The following DOCK3 variants were observed in gnomAD, a reference collection of about 807,000 sequenced individuals.
The protein encoded by DOCK3 is dedicator of cytokinesis 3, also known as dedicator of cytokinesis protein 3.
In DOCK3, 60 loss-of-function variants were observed where a neutral mutation model predicts 265.6. The observed-to-expected ratio is 0.23, with a 90% CI of 0.18 to 0.28. The LOEUF is 0.28. DOCK3 is among the 10% of genes least tolerant of loss of function. The probability of loss-of-function intolerance (pLI) is 1.00; values close to 1 mark genes in which losing one functional copy is unlikely to be tolerated. For synonymous variants in DOCK3, 881 were observed against 938.0 expected (o/e 0.94, Z 1.11); for missense variants, 1,981 against 2,594.3 (o/e 0.76, Z 5.14).
intron 1 of DOCK3, among the ~76,000 whole-genome samples, chr3:50,704,871 C>T (rs2036288991): frequency 6.6e-6 from 1 of 152,088 alleles, no homozygotes; most frequent in African/African-American, 2.4e-5. Flanking sequence ...TCAAGCGATC[C>T]ATCTGCCTTG....
At chr3:50,781,563 C>G (rs1455725634) in intron 2 of DOCK3, among the ~76,000 whole-genome samples, 2 of 152,182 alleles carry the variant, frequency 1.3e-5, no homozygotes, top group Admixed American at 6.5e-5. Context: ...CATGATCTAG[C>G]ACACTCAGCT....
At chr3:50,865,524 T>C (rs1052718887) in intron 3 of DOCK3, among the ~76,000 whole-genome samples, 11 of 152,234 alleles carry the variant, frequency 7.2e-5, no homozygotes, top group African/African-American at 2.7e-4. Flanking sequence ...TGTATATGTG[T>C]ACCACATTTT....
At chr3:50,766,629 C>T (rs1162702489) in intron 1 of DOCK3, among the ~76,000 whole-genome samples, 1 of 152,118 alleles carries the variant, frequency 6.6e-6, no homozygotes, top group Non-Finnish European at 1.5e-5. Flanking sequence ...ATCCTTTGGG[C>T]ATATACCCAG....
chr3:50,768,351 C>T (rs2041045233), intron 1 of DOCK3, among the ~76,000 whole-genome samples: 1 of 152,086 alleles, frequency 6.6e-6, no homozygotes, highest in South Asian at 2.1e-4. Context: ...TTGCCAAAGC[C>T]TGGCAGAGAC....
chr3:51,156,236 G>A (rs940845899), intron 10 of DOCK3, among the ~76,000 whole-genome samples: 6 of 152,098 alleles, frequency 3.9e-5, no homozygotes, highest in African/African-American at 7.2e-5. Flanking sequence ...TAACTTTTTC[G>A]TGTTTCAGAT....
intron 5 of DOCK3, among the ~76,000 whole-genome samples, chr3:50,975,631 T>C (rs1412998836): frequency 1.3e-5 from 2 of 152,224 alleles, no homozygotes. Flanking sequence ...TGCCAGGCTT[T>C]AGTATCAGAA....
At chr3:50,994,814 A>G (rs1006183493) in intron 5 of DOCK3, among the ~76,000 whole-genome samples, 2 of 152,200 alleles carry the variant, frequency 1.3e-5, no homozygotes, top group Admixed American at 6.5e-5. Flanking sequence ...GTTCAATTAG[A>G]TAAGATATAT....
chr3:51,033,743 A>T (rs756801698), intron 5 of DOCK3, among the ~76,000 whole-genome samples: 1 of 152,158 alleles, frequency 6.6e-6, no homozygotes, highest in Non-Finnish European at 1.5e-5. Context: ...CATGAACAAG[A>T]TTAATTTTTT....
At chr3:50,731,281 A>G (rs2038194244) in intron 1 of DOCK3, among the ~76,000 whole-genome samples, 1 of 152,256 alleles carries the variant, frequency 6.6e-6, no homozygotes, top group Non-Finnish European at 1.5e-5. Flanking sequence ...ACTCAGGAGT[A>G]AATCAGGTGT....
chr3:50,831,056 G>A (rs1214956165), intron 2 of DOCK3, among the ~76,000 whole-genome samples: 1 of 151,932 alleles, frequency 6.6e-6, no homozygotes, highest in Non-Finnish European at 1.5e-5. Context: ...TCATGGCACT[G>A]GTGGGCATGT....
At chr3:51,341,613 A>G (rs1161041033) in intron 38 of DOCK3, among the ~76,000 whole-genome samples, 2 of 152,220 alleles carry the variant, frequency 1.3e-5, no homozygotes, top group African/African-American at 4.8e-5. Flanking sequence ...TGTAGGTGTT[A>G]GAGACTACCC....
At chr3:50,778,866 A>T in intron 2 of DOCK3, 108 bp downstream of exon 2, 1 of 709,200 alleles carries the variant, frequency 1.4e-6, no homozygotes, top group South Asian at 3.2e-5. Context: ...AGCCATAATT[A>T]GTCACATGAT....
chr3:51,182,326 AT>A (rs1322114702), intron 12 of DOCK3, among the ~76,000 whole-genome samples: 28 of 152,306 alleles, frequency 1.8e-4, no homozygotes, highest in African/African-American at 6.5e-4. Flanking sequence ...AGCCCTTGGT[AT>A]GGTACCTGGC....
At chr3:50,821,521 C>T (rs1289443832) in intron 2 of DOCK3, among the ~76,000 whole-genome samples, 4 of 152,088 alleles carry the variant, frequency 2.6e-5, no homozygotes, top group Admixed American at 6.5e-5. Flanking sequence ...AGGATGGTCT[C>T]GATCTCCTGA....
rs2048566093 is a variant in DOCK3 at position 50,890,031 on chromosome 3, C to A, written c.168C>A (p.Ile56=). ...AAATATTTTCTCTTTTACAGGGGATCTTTCCTGCAAATTACATTCACTTGA... is the reference window on the plus strand; with the variant it reads ...AAATATTTTCTCTTTTACAGGGGATATTTCCTGCAAATTACATTCACTTGA... The part of the protein sequence containing the change: ...VSTKKPNVKG[I]FPANYIHLKK... Residue 56 remains isoleucine (I), a synonymous_variant, in exon 4 of 53, where the codon ATC becomes ATA. Transcript: ENST00000266037. The A allele has an allele frequency of 7.1e-7, 1 of 1,413,324 alleles. No individual in the cohort carries two copies. Among genetic ancestry groups the A allele is most frequent in the Non-Finnish European group, 9.2e-7 (1 of 1,090,804 alleles). 87.5% of individuals were successfully genotyped at this position (1,413,324 alleles called of 1,614,324 possible). A position where few individuals can be genotyped will look rare whatever the true frequency, so the allele number is the denominator to read the frequency against.
intron 5 of DOCK3, among the ~76,000 whole-genome samples, chr3:51,053,214 A>C (rs754509064): frequency 7.0e-6 from 1 of 142,068 alleles, no homozygotes; most frequent in Admixed American, 7.1e-5. Context: ...CCTGATTCTC[A>C]CTCCCCATTT....
rs1306209697 is a variant in DOCK3 at position 50,844,062 on chromosome 3, T to A, written c.162+2347T>A. On this transcript the variant is annotated intron_variant, in intron 3 of 52. Coordinates refer to ENST00000266037, the MANE Select transcript of DOCK3 (RefSeq NM_004947.5). ...CAGTCATAATAAGTAAAATTTTCTA[T>A]AGGTTTTTCATAGATATTAGTGGTT... is the stretch of plus-strand genomic sequence containing the variant. Among the ~76,000 whole-genome samples, 3 of 152,220 alleles carry A rather than the reference T, an allele frequency of 2.0e-5. No homozygotes were observed. In the East Asian group the frequency reaches 5.8e-4, roughly 29 times the overall value.
chr3:51,287,584 C>A (rs1028806236), intron 27 of DOCK3, among the ~76,000 whole-genome samples: 1 of 151,928 alleles, frequency 6.6e-6, no homozygotes, highest in African/African-American at 2.4e-5. Context: ...AATTAAAAGT[C>A]AAGTCTCAAA....
intron 4 of DOCK3, among the ~76,000 whole-genome samples, chr3:50,899,543 C>T (rs983436578): frequency 1.3e-5 from 2 of 152,054 alleles, no homozygotes; most frequent in East Asian, 3.9e-4. Context: ...TTATTTTGCC[C>T]GTTACTTGAT....
Sources: allele counts gnomAD v4.1 joint callset (sites outside exome capture counted in the v4.1 genomes callset), GRCh38; gene constraint gnomAD v4.1.1; transcripts MANE v1.5; gene names NCBI Gene and HGNC (gene_info 2026-07-23, HGNC 2026-07-21).